The following ZNF429 variants were observed in gnomAD, a reference collection of about 807,000 sequenced individuals.
The protein encoded by ZNF429 is zinc finger protein 429.
ZNF429 carries 53 observed loss-of-function variants against 56.8 expected under a neutral mutation model. That is an observed-to-expected ratio of 0.93 (90% confidence interval 0.75 to 1.17). The LOEUF (loss-of-function observed/expected upper bound fraction) is 1.17. Among genes scored for constraint, ZNF429 ranks in the 50% most tolerant of loss-of-function variants. The pLI is 0.00. For synonymous variants in ZNF429, 278 were observed against 264.7 expected, an observed-to-expected ratio of 1.05 and a Z score of -0.49; for missense variants, 849 against 788.4, an observed-to-expected ratio of 1.08 and a Z score of -0.92.
chr19:21,528,491 G>GTGAC (rs888287148), intron 1 of ZNF429, among the ~76,000 whole-genome samples: 33 of 152,058 alleles, frequency 2.2e-4, no homozygotes, highest in Non-Finnish European at 1.5e-5. Context: ...GATAACTTGA[G>GTGAC]GTCAGGAGTT....
intron 1 of ZNF429, among the ~76,000 whole-genome samples, chr19:21,511,403 C>T (rs1041552988): frequency 5.1e-4 from 73 of 141,900 alleles, no homozygotes; most frequent in Admixed American, 2.8e-3. Context: ...CAGACAGGGT[C>T]ACGGCCGGGC....
intron 1 of ZNF429, among the ~76,000 whole-genome samples, chr19:21,508,081 C>T (rs767944691): frequency 1.3e-5 from 2 of 152,094 alleles, no homozygotes; most frequent in African/African-American, 2.4e-5. Flanking sequence ...GATGAAATTC[C>T]GTCTCTACTA....
At chr19:21,506,889 C>T (rs1230027819) in intron 1 of ZNF429, among the ~76,000 whole-genome samples, 8 of 151,314 alleles carry the variant, frequency 5.3e-5, no homozygotes, top group Non-Finnish European at 1.2e-4. Context: ...CTGCCTCAGC[C>T]TCCTGAGTAG....
At chr19:21,512,648 G>C (rs1874528358) in intron 1 of ZNF429, among the ~76,000 whole-genome samples, 1 of 117,092 alleles carries the variant, frequency 8.5e-6, no homozygotes, top group African/African-American at 3.5e-5. Flanking sequence ...GGGCGACAGA[G>C]CAAGACTCCA....
chr19:21,537,122 A>G lies in ZNF429; in HGVS notation c.1069A>G (p.Thr357Ala), dbSNP rs758571516. ...AGCCTTTAACTGGTCTTCAACTCTT[A>G]CTAAACATAAGGTAATTCATACTGG... Reference protein sequence around the residue: ...GKAFNWSSTLTKHKVIHTGEK... With the variant: ...GKAFNWSSTLAKHKVIHTGEK... The change falls in exon 4 of 4, where the codon ACT becomes GCT. Residue 357 changes from threonine to alanine, a missense_variant. Coordinates refer to ENST00000358491, the MANE Select transcript of ZNF429 (RefSeq NM_001001415.4). 33 of 1,613,660 alleles carry G rather than the reference A, an allele frequency of 2.0e-5. No homozygotes were observed. The highest frequency in any genetic ancestry group is 2.8e-5 in the Non-Finnish European group (33 of 1,179,880).
chr19:21,507,011 G>A (rs1360104004), intron 1 of ZNF429, among the ~76,000 whole-genome samples: 9 of 151,998 alleles, frequency 5.9e-5, no homozygotes, highest in African/African-American at 1.9e-4. Flanking sequence ...CGGGTGATCC[G>A]CCCATCTCGG....
chr19:21,524,784 A>T (rs778953455), intron 1 of ZNF429, among the ~76,000 whole-genome samples: 1 of 152,180 alleles, frequency 6.6e-6, no homozygotes, highest in African/African-American at 2.4e-5. Context: ...TGTCAGGATG[A>T]TAAGAGTGGT....
At chr19:21,513,644 G>C (rs2145424742) in intron 1 of ZNF429, among the ~76,000 whole-genome samples, 1 of 152,284 alleles carries the variant, frequency 6.6e-6, no homozygotes, top group South Asian at 2.1e-4. Context: ...CCAGAAGAAA[G>C]ATATCACAGA....
chr19:21,526,161 AAG>A (rs1430105578), intron 1 of ZNF429, among the ~76,000 whole-genome samples: 2 of 152,112 alleles, frequency 1.3e-5, no homozygotes, highest in Non-Finnish European at 2.9e-5. Flanking sequence ...CTGTTATGAA[AAG>A]AGAGGTTTCT....
rs1169506768 is a variant in ZNF429 at position 21,537,735 on chromosome 19, G to T, written c.1682G>T (p.Gly561Val). 6.2e-7 allele frequency: 1 copy of T among 1,613,068 alleles called. No homozygotes were observed. The highest frequency in any genetic ancestry group is 8.5e-7 in the Non-Finnish European group (1 of 1,179,930). The change falls in exon 4 of 4, where the codon GGA becomes GTA. Residue 561 changes from glycine to valine, a missense_variant. By Grantham distance (109) the Gly-to-Val change is moderately radical. Transcript: ENST00000358491. Reference sequence around the variant, plus strand: ...ACTCAACATAAGAAAATTCATACTGGAGAGAAACCCTACAAATGTAAACAA... The same window carrying T: ...ACTCAACATAAGAAAATTCATACTGTAGAGAAACCCTACAAATGTAAACAA... The part of the protein sequence containing the change: ...RLTQHKKIHT[G>V]EKPYKCKQCD...
intron 1 of ZNF429, among the ~76,000 whole-genome samples, chr19:21,508,597 C>G (rs2062564): frequency 0.2 from 29,855 of 151,782 alleles, 3,017 homozygotes; most frequent in African/African-American, 0.22. Context: ...ATTTACAAAG[C>G]GCATAAAAGA....
intron 1 of ZNF429, among the ~76,000 whole-genome samples, chr19:21,525,546 C>G (rs1181698405): frequency 6.6e-6 from 1 of 152,090 alleles, no homozygotes; most frequent in Non-Finnish European, 1.5e-5. Flanking sequence ...TAGAAGAGAT[C>G]AGAGTTTTGG....
chr19:21,525,157 GTCA>G (rs2033119245), intron 1 of ZNF429, among the ~76,000 whole-genome samples: 2 of 152,192 alleles, frequency 1.3e-5, no homozygotes, highest in Admixed American at 6.5e-5. Context: ...AACTTCTGAT[GTCA>G]TCAGCTGAAG....
chr19:21,532,523 G>C, intron 3 of ZNF429, among the ~76,000 whole-genome samples: 1 of 152,014 alleles, frequency 6.6e-6, no homozygotes, highest in Admixed American at 6.6e-5. Flanking sequence ...TTCAAAATTA[G>C]GCAGATACTT....
Position 21,505,788 on chromosome 19 carries a change from G to T in ZNF429, c.3+14G>T, listed in dbSNP as rs182604444. On this transcript the variant is annotated intron_variant, in intron 1 of 3. Transcript: ENST00000358491. ...AGCCTAGAAATGGTGAGAGTGCCGAGTCTGACATCCCCAGAGAGGGGGAGG... is the reference window on the plus strand; with the variant it reads ...AGCCTAGAAATGGTGAGAGTGCCGATTCTGACATCCCCAGAGAGGGGGAGG... The T allele has an allele frequency of 6.2e-7, 1 of 1,611,714 alleles. No homozygotes were observed. Among genetic ancestry groups the T allele is most frequent in the South Asian group, 1.1e-5 (1 of 91,038 alleles).
In ZNF429 at chr19:21,533,098, G is replaced by A; in HGVS notation, c.226+2414G>A. Among the ~76,000 whole-genome samples, 4 of 151,460 alleles carry A rather than the reference G, an allele frequency of 2.6e-5. No homozygotes were observed. In the South Asian group the frequency reaches 8.3e-4, roughly 32 times the overall value. ...AATGAACATGGGTTTCATTTTCATT[G>A]CATCATCAACAGCTTTGGTGTTTTT... On this transcript the variant is annotated intron_variant, in intron 3 of 3. Coordinates refer to ENST00000358491, the MANE Select transcript of ZNF429 (RefSeq NM_001001415.4).
intron 1 of ZNF429, 139 bp from the exon 2 acceptor site, chr19:21,529,519 G>C (rs941904180): frequency 9.3e-6 from 11 of 1,177,268 alleles, no homozygotes; most frequent in Non-Finnish European, 1.2e-5. Context: ...AATAATTTCA[G>C]TCACTTGTAT....
rs2033806336 is a variant in ZNF429 at position 21,538,340 on chromosome 19, G to T, written c.*262G>T. 6.7e-6 allele frequency among the ~76,000 whole-genome samples: 1 copy of T among 149,014 alleles called. No homozygotes were observed. Among genetic ancestry groups the T allele is most frequent in the African/African-American group, 2.5e-5 (1 of 40,364 alleles). On this transcript the variant is annotated 3_prime_UTR_variant, in exon 4 of 4. Transcript: ENST00000358491. Reference sequence around the variant, plus strand: ...AGGCCAGGTATGGTGGCTCATGCCTGCCTGTAATCCCAGCACTTTGGGAGG... The same window carrying T: ...AGGCCAGGTATGGTGGCTCATGCCTTCCTGTAATCCCAGCACTTTGGGAGG...
Position 21,539,541 on chromosome 19 carries a change from C to T in ZNF429, c.*1463C>T, listed in dbSNP as rs535312981. 7.9e-5 allele frequency among the ~76,000 whole-genome samples: 12 copies of T among 151,840 alleles called. No individual in the cohort carries two copies. Among genetic ancestry groups the T allele is most frequent in the Admixed American group, 5.9e-4 (9 of 15,226 alleles). ...GGTTCAAGCAGTTCTCCTGCCACAG[C>T]CTCCTGAGTAGCTGGGAATACAGGC... On this transcript the variant is annotated 3_prime_UTR_variant, in exon 4 of 4. Coordinates refer to ENST00000358491, the MANE Select transcript of ZNF429 (RefSeq NM_001001415.4).
Sources: gnomAD v4.1 joint callset for allele counts (sites outside exome capture counted in the v4.1 genomes callset) on GRCh38, gnomAD v4.1.1 for gene constraint, MANE v1.5 for transcripts, NCBI Gene and HGNC (gene_info 2026-07-23, HGNC 2026-07-21) for gene names.